Variants in SLIT3 observed in about 807,000 individuals in gnomAD.
The protein encoded by SLIT3 is slit guidance ligand 3.
SLIT3 carries 68 observed loss-of-function variants against 184.0 expected under a neutral mutation model. The observed-to-expected ratio is 0.37, with a 90% confidence interval of 0.30 to 0.45. The LOEUF is 0.45. Ranked by LOEUF, SLIT3 falls within the 20% of genes least tolerant of loss-of-function variation. The probability of loss-of-function intolerance (pLI) is 1.00; values close to 1 mark genes in which losing one functional copy is unlikely to be tolerated. For missense variants in SLIT3, 1,707 were observed against 2,026.0 expected, an observed-to-expected ratio of 0.84 and a Z score of 3.02; for synonymous variants, 831 against 828.6, an observed-to-expected ratio of 1.00 and a Z score of -0.05.
At chr5:168,770,998 G>A (rs1280652563) in intron 14 of SLIT3, among the ~76,000 whole-genome samples, 5 of 151,712 alleles carry the variant, frequency 3.3e-5, no homozygotes, top group African/African-American at 9.7e-5. Context: ...GCTGTGCCAC[G>A]CAGGGCCGCC....
At chr5:168,816,164 A>G (rs7708939) in intron 8 of SLIT3, among the ~76,000 whole-genome samples, 60,030 of 151,992 alleles carry the variant, frequency 0.39, 12,755 homozygotes, top group African/African-American at 0.55. Context: ...GCAAACAACT[A>G]AAATTTGGGA....
At chr5:169,159,057 C>T (rs1762394969) in intron 4 of SLIT3, among the ~76,000 whole-genome samples, 2 of 150,802 alleles carry the variant, frequency 1.3e-5, no homozygotes, top group Non-Finnish European at 3.0e-5. Context: ...CTGAGGCGGG[C>T]AGATCACCTG....
chr5:169,248,504 C>A (rs1362101566), intron 2 of SLIT3, among the ~76,000 whole-genome samples: 1 of 152,170 alleles, frequency 6.6e-6, no homozygotes, highest in African/African-American at 2.4e-5. Context: ...GCCACTGATA[C>A]CTTCCCCACA....
At chr5:169,125,275 T>C (rs886782524) in intron 4 of SLIT3, among the ~76,000 whole-genome samples, 1 of 152,218 alleles carries the variant, frequency 6.6e-6, no homozygotes, top group Non-Finnish European at 1.5e-5. Context: ...CTCGATCTTC[T>C]GACGTGGTGA....
intron 4 of SLIT3, among the ~76,000 whole-genome samples, chr5:169,157,542 C>A (rs1406308953): frequency 1.3e-5 from 2 of 152,138 alleles, no homozygotes; most frequent in South Asian, 2.1e-4. Flanking sequence ...CTGGCCATAA[C>A]AATGCAATGC....
intron 4 of SLIT3, among the ~76,000 whole-genome samples, chr5:169,062,652 TATTTCA>T (rs901029421): frequency 1.3e-5 from 2 of 152,268 alleles, no homozygotes; most frequent in African/African-American, 4.8e-5. Context: ...TTGTGGAAAC[TATTTCA>T]TTTACTCATG....
intron 4 of SLIT3, among the ~76,000 whole-genome samples, chr5:169,034,808 C>T (rs2113534718): frequency 6.6e-6 from 1 of 150,780 alleles, no homozygotes; most frequent in African/African-American, 2.4e-5. Flanking sequence ...CAGTGGCTTG[C>T]AATCACTGCT....
In SLIT3 at chr5:169,243,371, A is replaced by G. The variant is rs149272469; in HGVS notation, c.341+1334T>C. ...TTTTATGTTCTCTTTGGTCTAAATA[A>G]GAAGAACTTGAGTGTTAAGAAACTT... is the stretch of plus-strand genomic sequence containing the variant. On this transcript the variant is annotated intron_variant, in intron 3 of 35. Coordinates refer to ENST00000519560, the MANE Select transcript of SLIT3 (RefSeq NM_003062.4). Among the ~76,000 whole-genome samples, 116 of 152,336 alleles carry G rather than the reference A, an allele frequency of 7.6e-4. 1 individual carries two copies. In the East Asian group the frequency reaches 8.7e-3, roughly 11 times the overall value.
At position 168,924,871 on chromosome 5, in the gene SLIT3, C is replaced by T. The variant is rs375002677; in HGVS notation, c.414-41535G>A. 2.1e-3 allele frequency among the ~76,000 whole-genome samples: 317 copies of T among 152,192 alleles called. 1 individual carries two copies. The highest frequency in any genetic ancestry group is 0.01 in the Middle Eastern group (3 of 294). Reference sequence around the variant, plus strand: ...AAAGTTGTTTTCTTCAAGAAACCAACGAGCAGGTAAGTGGACTCTGCAGAG... The same window carrying T: ...AAAGTTGTTTTCTTCAAGAAACCAATGAGCAGGTAAGTGGACTCTGCAGAG... On this transcript the variant is annotated intron_variant, in intron 4 of 35. Transcript: ENST00000519560.
intron 4 of SLIT3, among the ~76,000 whole-genome samples, chr5:168,927,654 C>T (rs1458815779): frequency 6.6e-6 from 1 of 152,220 alleles, no homozygotes; most frequent in African/African-American, 2.4e-5. Flanking sequence ...TACAGCCATT[C>T]CTGGCACTCA....
chr5:168,868,747 C>CAAAAAAAAAAAAAA (rs375837097), intron 5 of SLIT3, among the ~76,000 whole-genome samples: 2 of 69,310 alleles, frequency 2.9e-5, no homozygotes, highest in African/African-American at 5.4e-5. Context: ...GAATCTGCCT[C>CAAAAAAAAAAAAAA]AAAAAAAAAA....
At chr5:168,674,960 T>C (rs1180301262) in intron 32 of SLIT3, among the ~76,000 whole-genome samples, 1 of 152,152 alleles carries the variant, frequency 6.6e-6, no homozygotes, top group Non-Finnish European at 1.5e-5. Flanking sequence ...ATTTCACAGA[T>C]GAAGACACCG....
At chr5:168,926,384 A>G (rs189973634) in intron 4 of SLIT3, among the ~76,000 whole-genome samples, 1 of 152,334 alleles carries the variant, frequency 6.6e-6, no homozygotes, top group East Asian at 1.9e-4. Flanking sequence ...TATATCTTCA[A>G]TTAGAGGGAC....
intron 23 of SLIT3, among the ~76,000 whole-genome samples, chr5:168,719,188 A>G (rs1427008990): frequency 6.6e-6 from 1 of 152,178 alleles, no homozygotes; most frequent in Non-Finnish European, 1.5e-5. Flanking sequence ...AGTAGCTGGG[A>G]CTACAGGCAC....
At chr5:168,752,181 C>G (rs892121735) in intron 18 of SLIT3, among the ~76,000 whole-genome samples, 15 of 152,182 alleles carry the variant, frequency 9.9e-5, no homozygotes, top group African/African-American at 3.6e-4. Flanking sequence ...TCCTCTTCAG[C>G]CTTGCCTTAT....
chr5:168,776,633 T>A (rs17070453), intron 12 of SLIT3, among the ~76,000 whole-genome samples: 15 of 152,128 alleles, frequency 9.9e-5, no homozygotes, highest in African/African-American at 3.6e-4. Flanking sequence ...CTACCCATCC[T>A]ATCGGTCTAT....
intron 3 of SLIT3, among the ~76,000 whole-genome samples, chr5:169,209,368 T>C (rs554411100): frequency 7.6e-4 from 116 of 152,180 alleles, no homozygotes; most frequent in Non-Finnish European, 1.6e-3. Flanking sequence ...GTAAATTAGT[T>C]CCACCATTGT....
At chr5:169,294,441 G>GC (rs1252399219) in intron 1 of SLIT3, among the ~76,000 whole-genome samples, 1 of 4,916 alleles carries the variant, frequency 2.0e-4, no homozygotes, top group Non-Finnish European at 3.2e-4. Flanking sequence ...GCTCTGCTGT[G>GC]GGGGCAGGAC....
intron 1 of SLIT3, among the ~76,000 whole-genome samples, chr5:169,258,157 G>A (rs1766040572): frequency 6.6e-6 from 1 of 152,100 alleles, no homozygotes; most frequent in East Asian, 1.9e-4. Flanking sequence ...CACATACCAG[G>A]GAAGTGGGTA....
Sources: allele counts gnomAD v4.1 joint callset (sites outside exome capture counted in the v4.1 genomes callset), GRCh38; gene constraint gnomAD v4.1.1; transcripts MANE v1.5; gene names NCBI Gene and HGNC (gene_info 2026-07-23, HGNC 2026-07-21).